The following DPY19L3 variants were observed in gnomAD, a reference collection of about 807,000 sequenced individuals.
The protein encoded by DPY19L3 is protein C-mannosyl-transferase DPY19L3.
A neutral mutation model predicts 92.3 loss-of-function variants in DPY19L3; 51 were observed. The observed-to-expected ratio is 0.55, with a 90% confidence interval of 0.44 to 0.70. DPY19L3 has a LOEUF of 0.70. Ranked by LOEUF, DPY19L3 falls within the 30% of genes least tolerant of loss-of-function variation. The pLI is 0.00. For synonymous variants in DPY19L3, 309 were observed against 315.2 expected (o/e 0.98, Z 0.21); for missense variants, 706 against 855.9 (o/e 0.82, Z 2.18).
intron 17 of DPY19L3, 126 bp downstream of exon 17, chr19:32,477,780 T>C: frequency 7.7e-7 from 1 of 1,297,960 alleles, no homozygotes; most frequent in South Asian, 1.5e-5. Context: ...TGAATTAGTC[T>C]GTTTTCACGC....
At chr19:32,460,847 G>GTT (rs1157020760) in intron 12 of DPY19L3, among the ~76,000 whole-genome samples, 1 of 97,778 alleles carries the variant, frequency 1.0e-5, no homozygotes, top group African/African-American at 3.1e-5. Context: ...ACTATGACTT[G>GTT]TTTTGTTTTG....
At chr19:32,471,864 A>G (rs1568360107) in intron 16 of DPY19L3, among the ~76,000 whole-genome samples, 3 of 152,214 alleles carry the variant, frequency 2.0e-5, no homozygotes, top group Admixed American at 6.5e-5. Flanking sequence ...AAGGGATTGG[A>G]TTCCTGTGAA....
chr19:32,477,788 C>A, intron 17 of DPY19L3, 134 bp downstream of exon 17: 2 of 1,243,816 alleles, frequency 1.6e-6, no homozygotes, highest in Non-Finnish European at 2.2e-6. Flanking sequence ...TCTGTTTTCA[C>A]GCTACTGATA....
chr19:32,414,406 C>G lies in DPY19L3; in HGVS notation c.237+3034C>G, dbSNP rs1319954436. ...ACTGCACTCCAGCCTGGGTGACAGA[C>G]TCTGTCTCCAAAAAAAAAAAACAAA... On this transcript the variant is annotated intron_variant, in intron 3 of 18. Transcript: ENST00000392250. 5.9e-4 allele frequency among the ~76,000 whole-genome samples: 76 copies of G among 127,862 alleles called. 1 individual carries two copies. Among genetic ancestry groups the G allele is most frequent in the East Asian group, 2.4e-4 (1 of 4,248 alleles). 83.9% of individuals were successfully genotyped at this position (127,862 alleles called of 152,430 possible).
At chr19:32,453,111 A>C in intron 8 of DPY19L3, 34 bp from the exon 9 acceptor site, 1 of 1,610,200 alleles carries the variant, frequency 6.2e-7, no homozygotes, top group Non-Finnish European at 8.5e-7. Context: ...TCTTGGTAAA[A>C]TGTCTGTACT....
chr19:32,442,567 T>C (rs1969358151), intron 8 of DPY19L3, among the ~76,000 whole-genome samples: 1 of 152,102 alleles, frequency 6.6e-6, no homozygotes, highest in Admixed American at 6.5e-5. Context: ...CTAGGGACCT[T>C]GCGACCAGAG....
chr19:32,423,018 G>T (rs1968626483), intron 3 of DPY19L3, among the ~76,000 whole-genome samples: 1 of 152,040 alleles, frequency 6.6e-6, no homozygotes, highest in Non-Finnish European at 1.5e-5. Flanking sequence ...AAACTTTTTT[G>T]TTCCTAGAAA....
At chr19:32,431,914 G>T (rs886174387) in intron 3 of DPY19L3, among the ~76,000 whole-genome samples, 1 of 152,160 alleles carries the variant, frequency 6.6e-6, no homozygotes, top group African/African-American at 2.4e-5. Context: ...CATCAATACG[G>T]TGAAAAAAAT....
intron 16 of DPY19L3, among the ~76,000 whole-genome samples, chr19:32,469,362 A>G (rs1970286996): frequency 1.3e-5 from 2 of 152,126 alleles, no homozygotes; most frequent in South Asian, 2.1e-4. Flanking sequence ...TTAGCCAGGC[A>G]TGGTGGCAGG....
In DPY19L3 at chr19:32,482,219, C is replaced by A; in HGVS notation, c.2130C>A (p.Tyr710Ter). ...RVFQNKTFHVYKLSRNK is the reference protein window; with the variant it reads ...RVFQNKTFHV The stretch of plus-strand genomic sequence containing the variant: ...TCCAGAACAAAACCTTCCACGTTTA[C>A]AAGCTGTCCAGAAACAAGTAGCGCA... Residue 710 changes from tyrosine (Y) to a stop codon, truncating the protein, a stop_gained, in exon 19 of 19, where the codon TAC becomes TAA. Transcript: ENST00000392250. LOFTEE classifies it high-confidence loss of function. 1 of 1,613,024 alleles carries A rather than the reference C, an allele frequency of 6.2e-7. No homozygotes were observed. The highest frequency in any genetic ancestry group is 2.2e-5 in the East Asian group (1 of 44,860).
chr19:32,471,978 G>A (rs546475228), intron 16 of DPY19L3, among the ~76,000 whole-genome samples: 26 of 152,264 alleles, frequency 1.7e-4, no homozygotes, highest in Admixed American at 1.1e-3. Context: ...CTGTGTATGG[G>A]CACCGTGTGA....
At chr19:32,428,593 T>C (rs961935623) in intron 3 of DPY19L3, among the ~76,000 whole-genome samples, 10 of 152,078 alleles carry the variant, frequency 6.6e-5, no homozygotes, top group Admixed American at 5.2e-4. Flanking sequence ...GACCAGACAT[T>C]ATGTGGGGGA....
intron 8 of DPY19L3, among the ~76,000 whole-genome samples, chr19:32,446,617 A>G (rs1969507149): frequency 6.6e-6 from 1 of 152,248 alleles, no homozygotes; most frequent in Non-Finnish European, 1.5e-5. Context: ...TACTAGGGAC[A>G]GAACAGAACA....
intron 3 of DPY19L3, among the ~76,000 whole-genome samples, chr19:32,414,715 T>C (rs1305198058): frequency 1.3e-5 from 2 of 152,192 alleles, no homozygotes; most frequent in Non-Finnish European, 2.9e-5. Flanking sequence ...ATAGCCCAAA[T>C]TGAATGCTAA....
At chr19:32,478,372 G>A (rs532586615) in intron 17 of DPY19L3, among the ~76,000 whole-genome samples, 19 of 152,316 alleles carry the variant, frequency 1.2e-4, no homozygotes, top group African/African-American at 4.6e-4. Context: ...ATTAGGGAGG[G>A]GAAGGAAAAG....
intron 4 of DPY19L3, among the ~76,000 whole-genome samples, chr19:32,436,100 C>T (rs1318345921): frequency 1.3e-5 from 2 of 152,216 alleles, no homozygotes; most frequent in Non-Finnish European, 2.9e-5. Flanking sequence ...GCCATGTATA[C>T]TCTCCCAAAG....
chr19:32,481,403 G>GTTATTTAT (rs139291232), intron 18 of DPY19L3: 1 of 151,654 alleles, frequency 6.6e-6, no homozygotes, highest in Non-Finnish European at 1.5e-5. Flanking sequence ...GACTTTTTCA[G>GTTATTTAT]TTATTTATTT....
chr19:32,426,634 C>T (rs559778137), intron 3 of DPY19L3, among the ~76,000 whole-genome samples: 1 of 152,264 alleles, frequency 6.6e-6, no homozygotes, highest in South Asian at 2.1e-4. Flanking sequence ...AATGACAGAG[C>T]TGTCAGAACA....
chr19:32,407,138 ATAAT>A (rs1967987857), intron 1 of DPY19L3, among the ~76,000 whole-genome samples: 1 of 152,114 alleles, frequency 6.6e-6, no homozygotes, highest in Non-Finnish European at 1.5e-5. Flanking sequence ...CATTTAAGAA[ATAAT>A]TAGTAAGAGG....
Sources: allele counts gnomAD v4.1 joint callset (sites outside exome capture counted in the v4.1 genomes callset), GRCh38; gene constraint gnomAD v4.1.1; transcripts MANE v1.5; gene names NCBI Gene and HGNC (gene_info 2026-07-23, HGNC 2026-07-21).